The following CFAP206 variants were observed in gnomAD, a reference collection of about 807,000 sequenced individuals.
CFAP206 encodes cilia and flagella associated protein 206, also known as cilia- and flagella-associated protein 206.
CFAP206 carries 53 observed loss-of-function variants against 65.4 expected under a neutral mutation model. That is an observed-to-expected ratio of 0.81 (90% CI 0.65 to 1.02). The LOEUF (loss-of-function observed/expected upper bound fraction) is 1.02, where lower values mean the gene tolerates loss of function less well. Among genes scored for constraint, CFAP206 ranks in the 50% least tolerant of loss-of-function variants. The pLI is 0.00. For missense variants in CFAP206, 663 were observed against 753.2 expected, an observed-to-expected ratio of 0.88 and a Z score of 1.40; for synonymous variants, 250 against 254.4, an observed-to-expected ratio of 0.98 and a Z score of 0.17.
intron 9 of CFAP206, 139 bp downstream of exon 9, chr6:87,428,963 G>A (rs1187016189): frequency 4.7e-5 from 41 of 872,958 alleles, no homozygotes; most frequent in Non-Finnish European, 6.6e-5. Flanking sequence ...AATGAGGGCC[G>A]GGTGTGGTGG....
intron 11 of CFAP206, among the ~76,000 whole-genome samples, chr6:87,451,961 C>T (rs1419937562): frequency 1.3e-5 from 2 of 152,056 alleles, no homozygotes; most frequent in Non-Finnish European, 2.9e-5. Context: ...AGCCCTTGAG[C>T]CTTGAATAAA....
Position 87,413,894 on chromosome 6 carries a change from A to C in CFAP206, c.277A>C (p.Asn93His). 6.6e-6 allele frequency: 10 copies of C among 1,517,832 alleles called. No homozygotes were observed. Among genetic ancestry groups the C allele is most frequent in the Non-Finnish European group, 8.8e-6 (10 of 1,136,262 alleles). The allele number at this position is 1,517,832 out of a possible 1,614,324, so 94.0% of individuals were successfully genotyped here. A position where few individuals can be genotyped will look rare whatever the true frequency, so the allele number is the denominator to read the frequency against. ...AGTCTACTTCGATATGAATTATACG[A>C]ATCGAGGTAATGTATACTACCTATT... is the stretch of plus-strand genomic sequence containing the variant. ...MQVYFDMNYTNRVEFLEEHHR... is the reference protein window; with the variant it reads ...MQVYFDMNYTHRVEFLEEHHR... The change falls in exon 4 of 13, where the codon AAT (asparagine) becomes CAT (histidine). Residue 93 changes from asparagine to histidine, a missense_variant. Physicochemically the swap from Asn to His is moderately conservative, Grantham distance 68. Transcript: ENST00000369562.
In CFAP206 at chr6:87,418,396, G is replaced by GTCT; in HGVS notation, c.823_825dup (p.Phe275dup). ...GCTATATAATATACGACAATATGAG[G>GTCT]TCTTCCTTCAGATCATTTTGGTGAG... On this transcript the variant is annotated inframe_insertion, in exon 7 of 13. Transcript: ENST00000369562. 1 of 1,606,380 alleles carries GTCT rather than the reference G, an allele frequency of 6.2e-7. No individual in the cohort carries two copies. Among genetic ancestry groups the GTCT allele is most frequent in the South Asian group, 1.1e-5 (1 of 90,908 alleles).
chr6:87,409,720 C>G (rs1562241997), intron 1 of CFAP206, 115 bp from the exon 2 acceptor site: 3 of 654,832 alleles, frequency 4.6e-6, no homozygotes, highest in Admixed American at 3.1e-5. Context: ...TGCTAATAAG[C>G]TAATAGATGA....
At chr6:87,424,292 T>G (rs1767999413) in intron 7 of CFAP206, among the ~76,000 whole-genome samples, 1 of 152,158 alleles carries the variant, frequency 6.6e-6, no homozygotes, top group Non-Finnish European at 1.5e-5. Context: ...TTTTTTTTAT[T>G]TTTTTGGGAC....
At chr6:87,432,274 A>G (rs1031585005) in intron 10 of CFAP206, among the ~76,000 whole-genome samples, 10 of 152,318 alleles carry the variant, frequency 6.6e-5, no homozygotes, top group African/African-American at 1.9e-4. Context: ...CATTTAAAAA[A>G]TGTTATTACA....
chr6:87,463,138 C>T (rs1180794332), intron 12 of CFAP206, among the ~76,000 whole-genome samples: 1 of 152,178 alleles, frequency 6.6e-6, no homozygotes, highest in African/African-American at 2.4e-5. Flanking sequence ...GATGCAGACT[C>T]TTAGGACTGA....
intron 11 of CFAP206, among the ~76,000 whole-genome samples, chr6:87,443,340 C>G (rs1277738512): frequency 6.6e-6 from 1 of 152,058 alleles, no homozygotes; most frequent in Non-Finnish European, 1.5e-5. Flanking sequence ...TGAGTCTTCT[C>G]TCTTTTTATT....
At chr6:87,437,907 C>T (rs776713104) in intron 11 of CFAP206, among the ~76,000 whole-genome samples, 73 of 145,336 alleles carry the variant, frequency 5.0e-4, no homozygotes, top group Admixed American at 9.8e-4. Context: ...TGGTCTTGAA[C>T]TCCTAGGCTC....
intron 11 of CFAP206, among the ~76,000 whole-genome samples, chr6:87,456,356 A>G (rs1768642643): frequency 6.6e-6 from 1 of 152,198 alleles, no homozygotes; most frequent in African/African-American, 2.4e-5. Flanking sequence ...AAAACTGGGT[A>G]TAGAAGGAAT....
chr6:87,424,521 C>A (rs1767461076), intron 7 of CFAP206, among the ~76,000 whole-genome samples: 1 of 152,158 alleles, frequency 6.6e-6, no homozygotes, highest in South Asian at 2.1e-4. Flanking sequence ...TCATGATCCG[C>A]CTACCTCAGC....
At chr6:87,439,726 G>A (rs1168438020) in intron 11 of CFAP206, among the ~76,000 whole-genome samples, 3 of 151,822 alleles carry the variant, frequency 2.0e-5, no homozygotes, top group Non-Finnish European at 4.4e-5. Flanking sequence ...TGTGGTGGGA[G>A]GTAAAGATCC....
At chr6:87,453,515 A>T (rs1319957005) in intron 11 of CFAP206, among the ~76,000 whole-genome samples, 1 of 152,220 alleles carries the variant, frequency 6.6e-6, no homozygotes, top group Non-Finnish European at 1.5e-5. Context: ...AATAGTAACT[A>T]TAACAACTTT....
At chr6:87,442,852 T>TA (rs1389782885) in intron 11 of CFAP206, among the ~76,000 whole-genome samples, 1 of 152,158 alleles carries the variant, frequency 6.6e-6, no homozygotes, top group African/African-American at 2.4e-5. Context: ...TTTATTTATT[T>TA]AAAAAATACA....
chr6:87,426,922 G>A (rs550041363), intron 8 of CFAP206, among the ~76,000 whole-genome samples: 1 of 152,196 alleles, frequency 6.6e-6, no homozygotes, highest in South Asian at 2.1e-4. Flanking sequence ...ATTGTACTGT[G>A]GTTGAAAATG....
rs1349707526 is a variant in CFAP206 at position 87,418,414 on chromosome 6, T to G, written c.838T>G (p.Leu280Val). The G allele has an allele frequency of 6.2e-7, 1 of 1,613,684 alleles. No homozygotes were observed. The highest frequency in any genetic ancestry group is 1.3e-5 in the African/African-American group (1 of 74,920). Residue 280 changes from leucine to valine, a missense_variant and splice_region_variant, in exon 7 of 13, where the codon TTG becomes GTG. By Grantham distance (32) the Leu-to-Val change is conservative (BLOSUM62 1). Coordinates refer to ENST00000369562, the MANE Select transcript of CFAP206 (RefSeq NM_001031743.3). ...RQYEVFLQIILSDIITGAQEV... is the reference protein window; with the variant it reads ...RQYEVFLQIIVSDIITGAQEV... ...ATATGAGGTCTTCCTTCAGATCATT[T>G]TGGTGAGTTAAGTTCATAAGACCTG...
intron 11 of CFAP206, among the ~76,000 whole-genome samples, chr6:87,459,373 T>C (rs764359247): frequency 4.6e-5 from 7 of 152,128 alleles, no homozygotes; most frequent in African/African-American, 9.7e-5. Context: ...GTCAGAAAAA[T>C]TGTGAGTTAT....
At chr6:87,425,488 T>A (rs1437716546) in intron 7 of CFAP206, among the ~76,000 whole-genome samples, 1 of 152,206 alleles carries the variant, frequency 6.6e-6, no homozygotes, top group Non-Finnish European at 1.5e-5. Flanking sequence ...ATATAAATAC[T>A]ACTTCATCCT....
intron 11 of CFAP206, among the ~76,000 whole-genome samples, chr6:87,449,846 A>G (rs1768509831): frequency 6.6e-6 from 1 of 151,976 alleles, no homozygotes. Flanking sequence ...CCATTTGTCT[A>G]TTTTTGCTTT....
Sources: gnomAD v4.1 joint callset for allele counts (sites outside exome capture counted in the v4.1 genomes callset) on GRCh38, gnomAD v4.1.1 for gene constraint, MANE v1.5 for transcripts, NCBI Gene and HGNC (gene_info 2026-07-23, HGNC 2026-07-21) for gene names.